The following PRR5 variants were observed in gnomAD, a reference collection of about 807,000 sequenced individuals.
PRR5 encodes the protein proline rich 5, also known as proline-rich protein 5.
A neutral mutation model predicts 30.6 loss-of-function variants in PRR5; 25 were observed. That is an observed-to-expected ratio of 0.82 (90% CI 0.60 to 1.14). PRR5 has a LOEUF of 1.14. PRR5 is among the 50% of genes most tolerant of loss of function. PRR5 has a pLI of 0.00. For missense variants in PRR5, 600 were observed against 547.1 expected (o/e 1.10, Z -0.96); for synonymous variants, 286 against 247.1 (o/e 1.16, Z -1.48).
rs111499412 is a variant in PRR5, at chr22:44,729,766, G to A, written c.323-1964G>A. The A allele has an allele frequency of 1.2e-3, 1,212 of 985,480 alleles. 18 individuals are homozygous for A. The African/African-American group carries it at 0.02, about 16-fold the overall frequency. 61.0% of individuals were successfully genotyped at this position (985,480 alleles called of 1,614,324 possible). ...TGGCTCCAGCTGGGGCCTGGATTCT[G>A]TTTTACAACATCTGCTTTCCGCAGC... On this transcript the variant is annotated intron_variant, in intron 4 of 7. Transcript: ENST00000336985.
At chr22:44,696,762 A>G (rs995776746) in intron 1 of PRR5, among the ~76,000 whole-genome samples, 10 of 106,012 alleles carry the variant, frequency 9.4e-5, no homozygotes, top group African/African-American at 3.9e-4. Flanking sequence ...TTTGAGATGC[A>G]GTCCTGCTCT....
Position 44,714,667 on chromosome 22 carries a change from G to C in PRR5, c.211G>C (p.Val71Leu), listed in dbSNP as rs747179688. The change falls in exon 2 of 8, where the codon GTC (valine) becomes CTC (leucine). Residue 71 changes from valine (V) to leucine (L), a missense_variant. Transcript: ENST00000336985. Reference sequence around the variant, plus strand: ...GGAGCTCTTCAGCCTCAACGAGGGCGTCCGGTGAGTGCCTGTCCCACCTTG... The same window carrying C: ...GGAGCTCTTCAGCCTCAACGAGGGCCTCCGGTGAGTGCCTGTCCCACCTTG... The part of the protein sequence containing the change: ...DQELFSLNEG[V>L]RQLLKTELGS... 1.2e-6 allele frequency: 2 copies of C among 1,613,682 alleles called. No individual in the cohort carries two copies. The highest frequency in any genetic ancestry group is 1.7e-6 in the Non-Finnish European group (2 of 1,179,972).
chr22:44,679,864 C>G, intron 1 of PRR5: 1 of 1,588,250 alleles, frequency 6.3e-7, no homozygotes, highest in Non-Finnish European at 8.6e-7. Context: ...AAGATGCCGG[C>G]GCAGCCTGAG....
chr22:44,730,272 C>G, intron 4 of PRR5: 1 of 985,058 alleles, frequency 1.0e-6, no homozygotes. Flanking sequence ...GCCTGAGAGA[C>G]AGCCGGCAAC....
chr22:44,717,209 G>A (rs79972326), intron 2 of PRR5, among the ~76,000 whole-genome samples: 2 of 16,414 alleles, frequency 1.2e-4, no homozygotes, highest in Non-Finnish European at 2.5e-4. Flanking sequence ...TTTTTTTTTT[G>A]AGACGTAGTT....
At chr22:44,677,008 G>C (rs1174852508), upstream of PRR5, 1 of 152,316 alleles carries the variant, frequency 6.6e-6, no homozygotes, top group Non-Finnish European at 1.5e-5. Flanking sequence ...TCAAGCTCCT[G>C]GGCCCCCTCT....
At chr22:44,716,299 A>C (rs1025571730) in intron 2 of PRR5, among the ~76,000 whole-genome samples, 2 of 152,242 alleles carry the variant, frequency 1.3e-5, no homozygotes, top group African/African-American at 4.8e-5. Flanking sequence ...GTCAGTTCAG[A>C]ATGAAGTGCT....
At chr22:44,715,479 G>A (rs1928914754) in intron 2 of PRR5, among the ~76,000 whole-genome samples, 1 of 152,154 alleles carries the variant, frequency 6.6e-6, no homozygotes, top group South Asian at 2.1e-4. Flanking sequence ...AAGCTGAAGG[G>A]GCCCTTACAT....
Position 44,693,795 on chromosome 22 carries a change from A to ATTTTTTTTTTT in PRR5, c.-10-8687_-10-8677dup, listed in dbSNP as rs61604082. 7.0e-4 allele frequency among the ~76,000 whole-genome samples: 56 copies of ATTTTTTTTTTT among 79,618 alleles called. 1 individual carries two copies. The highest frequency in any genetic ancestry group is 2.2e-3 in the African/African-American group (41 of 18,502). 52.2% of individuals were successfully genotyped at this position (79,618 alleles called of 152,430 possible). A position where few individuals can be genotyped will look rare whatever the true frequency, so the allele number is the denominator to read the frequency against. On this transcript the variant is annotated intron_variant, in intron 1 of 8. Coordinates refer to the PRR5 transcript ENST00000006251. ...CAGGCGCCTGCCACCACACTCGGCT[A>ATTTTTTTTTTT]TTTTTTTTTTTTTTTTTTTTGTATT...
intron 2 of PRR5, 99 bp downstream of exon 2, chr22:44,714,770 G>A (rs1436677584): frequency 1.9e-5 from 28 of 1,470,092 alleles, no homozygotes; most frequent in Non-Finnish European, 2.5e-5. Context: ...CGCCAGCCAC[G>A]CCTGTGCTTC....
chr22:44,707,992 C>G (rs1029907496), intron 1 of PRR5, among the ~76,000 whole-genome samples: 14 of 152,114 alleles, frequency 9.2e-5, no homozygotes, highest in Non-Finnish European at 1.9e-4. Context: ...CTCACTCACT[C>G]CACACAAATC....
upstream of PRR5, among the ~76,000 whole-genome samples, chr22:44,676,349 C>A (rs536982966): frequency 5.1e-5 from 7 of 136,054 alleles, no homozygotes; most frequent in Non-Finnish European, 4.5e-5. Context: ...TGTGATTGCG[C>A]CACTGCTTTT....
chr22:44,692,537 G>T (rs561206551), intron 1 of PRR5, among the ~76,000 whole-genome samples: 1 of 117,100 alleles, frequency 8.5e-6, no homozygotes, highest in Non-Finnish European at 1.8e-5. Flanking sequence ...TCCTCCTCCC[G>T]GGGGCTCCTC....
At chr22:44,696,107 A>G (rs1434407143) in intron 1 of PRR5, among the ~76,000 whole-genome samples, 1 of 151,780 alleles carries the variant, frequency 6.6e-6, no homozygotes, top group Non-Finnish European at 1.5e-5. Flanking sequence ...TATTTTTAGT[A>G]GAGATGGGGT....
At chr22:44,732,939 A>G (rs972180645) in intron 6 of PRR5, among the ~76,000 whole-genome samples, 1 of 88,956 alleles carries the variant, frequency 1.1e-5, no homozygotes, top group Non-Finnish European at 2.8e-5. Context: ...CACATACTAC[A>G]CACGTGTGCA....
intron 2 of PRR5, among the ~76,000 whole-genome samples, chr22:44,722,373 T>C (rs962956262): frequency 3.3e-5 from 5 of 152,232 alleles, no homozygotes; most frequent in African/African-American, 1.2e-4. Flanking sequence ...CACAGAGCTG[T>C]GCAGGAACGT....
chr22:44,690,559 G>A (rs1258549123), intron 1 of PRR5, among the ~76,000 whole-genome samples: 1 of 152,126 alleles, frequency 6.6e-6, no homozygotes, highest in Non-Finnish European at 1.5e-5. Context: ...TACCCAGGGA[G>A]GGAGATGTGA....
intron 4 of PRR5, chr22:44,731,173 C>G (rs1271465011): frequency 1.1e-5 from 3 of 267,422 alleles, no homozygotes; most frequent in Non-Finnish European, 2.2e-5. Flanking sequence ...CTCACTTGTG[C>G]CAGGCATACC....
At chr22:44,725,191 A>T (rs1569102804) in intron 2 of PRR5, 53 bp from the exon 3 acceptor site, 14 of 1,605,888 alleles carry the variant, frequency 8.7e-6, no homozygotes, top group Non-Finnish European at 1.2e-5. Context: ...TGGGTCCCCC[A>T]TGCCAGTGCC....
Sources: gnomAD v4.1 joint callset for allele counts (sites outside exome capture counted in the v4.1 genomes callset) on GRCh38, gnomAD v4.1.1 for gene constraint, MANE v1.5 for transcripts, NCBI Gene and HGNC (gene_info 2026-07-23, HGNC 2026-07-21) for gene names.